ZNF619: variants seen among roughly 807,000 people sequenced by gnomAD.
The protein encoded by ZNF619 is zinc finger protein 619.
In ZNF619, 9 loss-of-function variants were observed where a neutral mutation model predicts 14.2. The ratio of observed to expected loss-of-function variants is 0.64; its 90% CI spans 0.38 to 1.11. The LOEUF is 1.11. Among genes scored for constraint, ZNF619 ranks in the 50% least tolerant of loss-of-function variants. The probability of loss-of-function intolerance (pLI) is 0.01; values close to 1 mark genes in which losing one functional copy is unlikely to be tolerated. For synonymous variants in ZNF619, 246 were observed against 252.8 expected (o/e 0.97, Z 0.26); for missense variants, 659 against 680.1 (o/e 0.97, Z 0.34).
In ZNF619 at chr3:40,487,862, C is replaced by A. The variant is rs1204961393; in HGVS notation, c.1352C>A (p.Thr451Asn). ...CTGGTTCAGCATCAGCGAGTTCACA[C>A]TGGGGAGAAACCTTATGAGTGTAAG... is the stretch of plus-strand genomic sequence containing the variant. ...ITLVQHQRVH[T>N]GEKPYECKEC... Residue 451 changes from threonine to asparagine, a missense_variant, in exon 5 of 5, where the codon ACT (threonine) becomes AAT (asparagine). Transcript: ENST00000432264. The A allele has an allele frequency of 1.9e-6, 3 of 1,614,178 alleles. No individual in the cohort carries two copies. The highest frequency in any genetic ancestry group is 2.2e-5 in the South Asian group (2 of 91,082).
At chr3:40,480,165 A>G (rs1312477850) in intron 2 of ZNF619, among the ~76,000 whole-genome samples, 2 of 152,238 alleles carry the variant, frequency 1.3e-5, no homozygotes, top group East Asian at 3.8e-4. Flanking sequence ...CCATATTCCC[A>G]GCTAGTTGTT....
In ZNF619 at chr3:40,489,971, G is replaced by T. The variant is rs563270948; in HGVS notation, c.*1730G>T. ...TTCTTGTTGAAACTTAATCCCCATTGTAACAGTACTGGGTGGGGGGTCTTT... is the reference window on the plus strand; with the variant it reads ...TTCTTGTTGAAACTTAATCCCCATTTTAACAGTACTGGGTGGGGGGTCTTT... On this transcript the variant is annotated 3_prime_UTR_variant, in exon 5 of 5. Coordinates refer to ENST00000432264, the MANE Select transcript of ZNF619 (RefSeq NM_001145093.4). The T allele has an allele frequency of 1.3e-5, 2 of 152,184 alleles. No homozygotes were observed. Among genetic ancestry groups the T allele is most frequent in the African/African-American group, 2.4e-5 (1 of 41,438 alleles). 9.4% of individuals were successfully genotyped at this position (152,184 alleles called of 1,614,324 possible). A position where few individuals can be genotyped will look rare whatever the true frequency, so the allele number is the denominator to read the frequency against.
intron 3 of ZNF619, chr3:40,482,252 T>C: frequency 6.4e-7 from 1 of 1,551,878 alleles, no homozygotes; most frequent in African/African-American, 1.4e-5. Context: ...GGGGCTTTCC[T>C]CTGGATACAG....
At chr3:40,482,799 G>T (rs969882161) in intron 4 of ZNF619, 95 bp downstream of exon 4, 2 of 910,730 alleles carry the variant, frequency 2.2e-6, no homozygotes, top group African/African-American at 1.7e-5. Context: ...GTCATATGAT[G>T]GTTGTGGGGA....
Position 40,488,405 on chromosome 3 carries a change from C to T in ZNF619, c.*164C>T. On this transcript the variant is annotated 3_prime_UTR_variant, in exon 5 of 5. Transcript: ENST00000432264. The stretch of plus-strand genomic sequence containing the variant: ...CTTAAGGACCATGTTTGATTAGTTT[C>T]TTTTATCCCCCGGTAGGAAATGGCA... 1 of 579,910 alleles carries T rather than the reference C, an allele frequency of 1.7e-6. No individual in the cohort carries two copies. Among genetic ancestry groups the T allele is most frequent in the Admixed American group, 3.4e-5 (1 of 29,466 alleles). The allele number at this position is 579,910 out of a possible 1,614,324, so 35.9% of individuals were successfully genotyped here. A position where few individuals can be genotyped will look rare whatever the true frequency, so the allele number is the denominator to read the frequency against.
rs149705659 is a variant in ZNF619, at chr3:40,484,305, A to G, written c.295+1601A>G. 2.5e-4 allele frequency among the ~76,000 whole-genome samples: 38 copies of G among 152,352 alleles called. No individual in the cohort carries two copies. In the East Asian group the frequency reaches 5.4e-3, roughly 22 times the overall value. Reference sequence around the variant, plus strand: ...GTAAATGGAATTTTTCTAAGTTCATAAACACTGAATTTTACATTAGCTTTT... The same window carrying G: ...GTAAATGGAATTTTTCTAAGTTCATGAACACTGAATTTTACATTAGCTTTT... On this transcript the variant is annotated intron_variant, in intron 4 of 4. Coordinates refer to ENST00000432264, the MANE Select transcript of ZNF619 (RefSeq NM_001145093.4).
Position 40,486,873 on chromosome 3 carries a change from C to T in ZNF619, c.363C>T (p.Ser121=), listed in dbSNP as rs1697597540. 6.2e-7 allele frequency: 1 copy of T among 1,614,062 alleles called. No homozygotes were observed. Residue 121 remains serine (S), a synonymous_variant, in exon 5 of 5, where the codon TCC becomes TCT. Coordinates refer to ENST00000432264, the MANE Select transcript of ZNF619 (RefSeq NM_001145093.4). ...AQLNISKESE[S]HRLIVEGLLM... ...TAAACATTTCTAAAGAATCAGAGTC[C>T]CACAGACTGATAGTGGAGGGACTGC...
At chr3:40,480,959 A>G (rs1193227197) in intron 2 of ZNF619, among the ~76,000 whole-genome samples, 1 of 152,226 alleles carries the variant, frequency 6.6e-6, no homozygotes, top group Admixed American at 6.5e-5. Flanking sequence ...GTTCATTTTG[A>G]ACTTTTTGCT....
chr3:40,488,753 A>G lies in ZNF619; in HGVS notation c.*512A>G, dbSNP rs151269066. The G allele has an allele frequency of 2.6e-3, 391 of 153,274 alleles. No individual in the cohort carries two copies. The highest frequency in any genetic ancestry group is 4.9e-3 in the Non-Finnish European group (335 of 69,002). 9.5% of individuals were successfully genotyped at this position (153,274 alleles called of 1,614,324 possible). On this transcript the variant is annotated 3_prime_UTR_variant, in exon 5 of 5. Coordinates refer to ENST00000432264, the MANE Select transcript of ZNF619 (RefSeq NM_001145093.4). ...TTGGCTCACTGCAACCTCTGCCTCC[A>G]GGGTTCAAGTGATTCTCATGCCTCA...
Position 40,482,037 on chromosome 3 carries a change from G to C in ZNF619, c.178+21G>C, listed in dbSNP as rs1466500460. ...CTTGTGTAAGTCCTCCTTCCTCTCTGAAACTCAGCTTCTGCCCTTGGGAGC... is the reference window on the plus strand; with the variant it reads ...CTTGTGTAAGTCCTCCTTCCTCTCTCAAACTCAGCTTCTGCCCTTGGGAGC... On this transcript the variant is annotated intron_variant, in intron 3 of 4. Transcript: ENST00000432264. 3.8e-6 allele frequency: 6 copies of C among 1,579,626 alleles called. No individual in the cohort carries two copies. In the South Asian group the frequency reaches 7.1e-5, roughly 19 times the overall value.
At chr3:40,483,531 C>T (rs959832392) in intron 4 of ZNF619, 10 of 395,998 alleles carry the variant, frequency 2.5e-5, no homozygotes, top group South Asian at 9.4e-5. Flanking sequence ...CCTCTTGGTC[C>T]GCCCCACCCT....
In ZNF619 at chr3:40,488,227, TCTCA is replaced by T. The variant is rs1697703361; in HGVS notation, c.1721_1724del (p.His574ProfsTer16). On this transcript the variant is annotated frameshift_variant, in exon 5 of 5. Transcript: ENST00000432264. LOFTEE classifies it high-confidence loss of function. ...ATCCCTTCAGAGCCCGAATCCTTTG[TCTCA>T]CTCCCTGTAAGCCCCGTCACGTTCT... is the stretch of plus-strand genomic sequence containing the variant. The T allele has an allele frequency of 6.4e-7, 1 of 1,558,940 alleles. No individual in the cohort carries two copies. Among genetic ancestry groups the T allele is most frequent in the African/African-American group, 1.4e-5 (1 of 73,644 alleles).
At position 40,487,873 on chromosome 3, in the gene ZNF619, C is replaced by A. The variant is rs777053740; in HGVS notation, c.1363C>A (p.Pro455Thr). The A allele has an allele frequency of 1.2e-6, 2 of 1,614,182 alleles. No individual in the cohort carries two copies. The highest frequency in any genetic ancestry group is 1.7e-5 in the Admixed American group (1 of 60,014). The change falls in exon 5 of 5, where the codon CCT (proline) becomes ACT (threonine). Residue 455 changes from proline to threonine, a missense_variant. By Grantham distance (38) the Pro-to-Thr change is conservative. Coordinates refer to ENST00000432264, the MANE Select transcript of ZNF619 (RefSeq NM_001145093.4). ...QHQRVHTGEK[P>T]YECKECGKAF... ...TCAGCGAGTTCACACTGGGGAGAAA[C>A]CTTATGAGTGTAAGGAGTGCGGGAA...
chr3:40,482,290 TG>T (rs1419243851), intron 3 of ZNF619: 2 of 1,552,076 alleles, frequency 1.3e-6, no homozygotes, highest in Non-Finnish European at 1.7e-6. Context: ...CCTGGTGCAC[TG>T]TCTTCATTCC....
intron 2 of ZNF619, among the ~76,000 whole-genome samples, chr3:40,479,896 A>G (rs1378471980): frequency 3.9e-5 from 6 of 152,210 alleles, no homozygotes; most frequent in Non-Finnish European, 8.8e-5. Flanking sequence ...CCATGTTGAG[A>G]GCCATAGCCT....
At chr3:40,478,130 G>A (rs1480772772) in intron 2 of ZNF619, 127 bp downstream of exon 2, 5 of 878,444 alleles carry the variant, frequency 5.7e-6, no homozygotes, top group South Asian at 3.3e-5. Context: ...TGTAAAAACA[G>A]TATGCGAGGG....
In ZNF619 at chr3:40,487,153, C is replaced by A; in HGVS notation, c.643C>A (p.Pro215Thr). The part of the protein sequence containing the change: ...KCGECGSYYN[P>T]HSDFHLHQRV... Reference sequence around the variant, plus strand: ...TGGTGAGTGTGGCAGTTACTACAACCCACATTCAGACTTTCACCTGCATCA... The same window carrying A: ...TGGTGAGTGTGGCAGTTACTACAACACACATTCAGACTTTCACCTGCATCA... Residue 215 changes from proline to threonine, a missense_variant, in exon 5 of 5, where the codon CCA becomes ACA. Pro to Thr is a conservative substitution (Grantham distance 38). Coordinates refer to ENST00000432264, the MANE Select transcript of ZNF619 (RefSeq NM_001145093.4). 1 of 1,614,160 alleles carries A rather than the reference C, an allele frequency of 6.2e-7. No homozygotes were observed. Among genetic ancestry groups the A allele is most frequent in the Non-Finnish European group, 8.5e-7 (1 of 1,180,042 alleles).
chr3:40,482,738 C>A, intron 4 of ZNF619, 34 bp downstream of exon 4: 1 of 1,499,744 alleles, frequency 6.7e-7, no homozygotes, highest in Non-Finnish European at 9.1e-7. Flanking sequence ...TCCTTTCCAG[C>A]TTTGCCTCCT....
In ZNF619 at chr3:40,488,348, C is replaced by T. The variant is rs1697710432; in HGVS notation, c.*107C>T. ...TGGTCTTGTCTTGTATAAGTTGTTA[C>T]TGTTTTCCTAACTTCATTTTAAATT... On this transcript the variant is annotated 3_prime_UTR_variant, in exon 5 of 5. Transcript: ENST00000432264. 1.5e-6 allele frequency: 1 copy of T among 675,212 alleles called. No homozygotes were observed. The highest frequency in any genetic ancestry group is 2.6e-6 in the Non-Finnish European group (1 of 382,246). 41.8% of individuals were successfully genotyped at this position (675,212 alleles called of 1,614,324 possible).
Sources: allele counts gnomAD v4.1 joint callset (sites outside exome capture counted in the v4.1 genomes callset), GRCh38; gene constraint gnomAD v4.1.1; transcripts MANE v1.5; gene names NCBI Gene and HGNC (gene_info 2026-07-23, HGNC 2026-07-21).